The following C12orf57 variants were observed in gnomAD, a reference collection of about 807,000 sequenced individuals.
C12orf57 encodes protein C10.
A neutral mutation model predicts 11.3 loss-of-function variants in C12orf57; 14 were observed. The ratio of observed to expected loss-of-function variants is 1.24; its 90% CI spans 0.82 to 1.94. The LOEUF (loss-of-function observed/expected upper bound fraction) is 1.94. C12orf57 is among the 30% of genes most tolerant of loss of function. C12orf57 has a pLI of 0.00. For synonymous variants in C12orf57, 100 were observed against 74.6 expected, an observed-to-expected ratio of 1.34 and a Z score of -1.76; for missense variants, 229 against 172.4, an observed-to-expected ratio of 1.33 and a Z score of -1.84.
rs1945749152 is a variant in C12orf57, at chr12:6,944,643, G to GACGGGGAAGGTGGGTCAGAC, written c.221_229+11dup. 6.2e-7 allele frequency: 1 copy of GACGGGGAAGGTGGGTCAGAC among 1,612,022 alleles called. No homozygotes were observed. The highest frequency in any genetic ancestry group is 8.5e-7 in the Non-Finnish European group (1 of 1,178,306). Reference sequence around the variant, plus strand: ...TATCAAAGCCTATGGCTTCAGCTGCGACGGGGAAGGTGGGTCAGACGCGGG... The same window carrying GACGGGGAAGGTGGGTCAGAC: ...TATCAAAGCCTATGGCTTCAGCTGCGACGGGGAAGGTGGGTCAGACACGGGGAAGGTGGGTCAGACGCGGG... On this transcript the variant is annotated frameshift_variant, in exon 2 of 3. Coordinates refer to ENST00000229281, the MANE Select transcript of C12orf57 (RefSeq NM_138425.4). LOFTEE classifies it high-confidence loss of function.
intron 2 of C12orf57, among the ~76,000 whole-genome samples, 171 bp from the exon 3 acceptor site, chr12:6,945,596 GTAGA>G (rs1945782786): frequency 6.6e-6 from 1 of 152,148 alleles, no homozygotes; most frequent in Non-Finnish European, 1.5e-5. Context: ...TGTGCCCAGT[GTAGA>G]CCAAATGTCA....
At chr12:6,943,901 A>C (rs186459407), upstream of C12orf57, 4 of 1,120,926 alleles carry the variant, frequency 3.6e-6, no homozygotes, top group Non-Finnish European at 3.7e-6. Context: ...GTTGCCAATG[A>C]TAGATTGTTT....
At chr12:6,944,013 A>C (rs782813862), upstream of C12orf57, 7 of 1,601,290 alleles carry the variant, frequency 4.4e-6, no homozygotes, top group Admixed American at 5.1e-5. Flanking sequence ...GCTGCGCCGG[A>C]TGCTGTTTCC....
intron 2 of C12orf57, among the ~76,000 whole-genome samples, chr12:6,945,535 G>C (rs892870751): frequency 2.0e-5 from 3 of 152,114 alleles, no homozygotes; most frequent in Non-Finnish European, 4.4e-5. Flanking sequence ...TCACCTGAGA[G>C]CAAGAAGCAC....
At chr12:6,944,863 C>G in intron 2 of C12orf57, 3 of 1,418,662 alleles carry the variant, frequency 2.1e-6, no homozygotes, top group Non-Finnish European at 2.8e-6. Flanking sequence ...GGTTCTGTAT[C>G]CCTTACCCGA....
At chr12:6,943,924 AATT>A, upstream of C12orf57, 2 of 1,319,576 alleles carry the variant, frequency 1.5e-6, no homozygotes, top group Non-Finnish European at 2.0e-6. Context: ...ACTGTGCAAA[AATT>A]ATGGGTAGTT....
At chr12:6,943,869 G>GT (rs1174136528), upstream of C12orf57, 336 of 953,470 alleles carry the variant, frequency 3.5e-4, 5 homozygotes, top group South Asian at 2.0e-3. Flanking sequence ...CTTTTTACCG[G>GT]AAAGCCCCTC....
upstream of C12orf57, chr12:6,943,954 A>T (rs183856284): frequency 2.7e-6 from 4 of 1,494,214 alleles, no homozygotes; most frequent in African/African-American, 4.2e-5. Context: ...GTCTTGATGC[A>T]GTTGTAAGCT....
chr12:6,943,482 C>G, upstream of C12orf57: 1 of 1,266,946 alleles, frequency 7.9e-7, no homozygotes, highest in Non-Finnish European at 1.0e-6. Flanking sequence ...CATCAATAGA[C>G]AAGGCCTTTA....
At chr12:6,943,968 G>C, upstream of C12orf57, 2 of 1,552,698 alleles carry the variant, frequency 1.3e-6, no homozygotes, top group Non-Finnish European at 1.7e-6. Flanking sequence ...GTAAGCTTGG[G>C]GTATGAAGGT....
chr12:6,943,940 G>T (rs1440531783), upstream of C12orf57: 3 of 1,412,284 alleles, frequency 2.1e-6, no homozygotes, highest in South Asian at 2.6e-5. Flanking sequence ...GGGTAGTTTT[G>T]GTGGTCTTGA....
upstream of C12orf57, chr12:6,944,012 G>C (rs782615520): frequency 1.6e-5 from 26 of 1,602,622 alleles, no homozygotes; most frequent in East Asian, 2.2e-5. Context: ...GGCTGCGCCG[G>C]ATGCTGTTTC....
chr12:6,944,518 A>G lies in C12orf57; in HGVS notation c.95A>G (p.Asn32Ser). 1 of 1,613,814 alleles carries G rather than the reference A, an allele frequency of 6.2e-7. No homozygotes were observed. Among genetic ancestry groups the G allele is most frequent in the Non-Finnish European group, 8.5e-7 (1 of 1,180,036 alleles). Residue 32 changes from asparagine (N) to serine (S), a missense_variant, in exon 2 of 3, where the codon AAT (asparagine) becomes AGT (serine). Asn to Ser is a conservative substitution (Grantham distance 46). Transcript: ENST00000229281. ...EVIQAFSAPE[N>S]AVRMDEARDN... ...ATCCAGGCGTTCTCCGCCCCGGAGA[A>G]TGCAGTGCGCATGGACGAGGCTCGG...
upstream of C12orf57, chr12:6,943,804 A>ACACATACG (rs1945689886): frequency 1.1e-6 from 1 of 885,882 alleles, no homozygotes; most frequent in Non-Finnish European, 1.6e-6. Context: ...TTCTCTCCAA[A>ACACATACG]CACATACGCA....
At chr12:6,943,995 C>CG, upstream of C12orf57, 1 of 1,588,702 alleles carries the variant, frequency 6.3e-7, no homozygotes, top group Admixed American at 1.8e-5. Context: ...CACGCCTGGG[C>CG]GCTTCCGGCT....
intron 2 of C12orf57, among the ~76,000 whole-genome samples, 159 bp from the exon 3 acceptor site, chr12:6,945,608 TCATC>T (rs1945783793): frequency 6.6e-6 from 1 of 152,104 alleles, no homozygotes; most frequent in Non-Finnish European, 1.5e-5. Context: ...AGACCAAATG[TCATC>T]ATCCAAACCA....
chr12:6,944,040 C>T lies in C12orf57; in HGVS notation c.-82C>T, dbSNP rs782755137. The T allele has an allele frequency of 9.9e-5, 159 of 1,610,874 alleles. 1 individual carries two copies. The highest frequency in any genetic ancestry group is 6.4e-4 in the South Asian group (58 of 90,968). On this transcript the variant is annotated 5_prime_UTR_variant, in exon 1 of 3. Coordinates refer to ENST00000229281, the MANE Select transcript of C12orf57 (RefSeq NM_138425.4). ...GCTGTTTCCTTTCCGCTCCCAGGGG[C>T]GTTGGGAACGGTTGTAGGACGTGGC...
At chr12:6,943,873 G>GC (rs376853939), upstream of C12orf57, 43 of 966,080 alleles carry the variant, frequency 4.5e-5, no homozygotes, top group African/African-American at 6.7e-5. Flanking sequence ...TTACCGGAAA[G>GC]CCCCTCTTAT....
chr12:6,944,755 C>A (rs1555146164), intron 2 of C12orf57, 103 bp downstream of exon 2: 1 of 1,564,784 alleles, frequency 6.4e-7, no homozygotes, highest in East Asian at 2.3e-5. Context: ...CCCTTTCTCG[C>A]CACACGGCGG....
Sources: gnomAD v4.1 joint callset for allele counts (sites outside exome capture counted in the v4.1 genomes callset) on GRCh38, gnomAD v4.1.1 for gene constraint, MANE v1.5 for transcripts, NCBI Gene and HGNC (gene_info 2026-07-23, HGNC 2026-07-21) for gene names.